Variants in ZZEF1 observed in about 807,000 individuals in gnomAD.
ZZEF1 encodes the protein zinc finger ZZ-type and EF-hand domain-containing protein 1.
ZZEF1 carries 157 observed loss-of-function variants against 342.8 expected under a neutral mutation model. The observed-to-expected ratio is 0.46, with a 90% CI of 0.40 to 0.52. ZZEF1 has a LOEUF of 0.52. Ranked by LOEUF, ZZEF1 falls within the 20% of genes least tolerant of loss-of-function variation. ZZEF1 has a pLI of 0.00. For synonymous variants in ZZEF1, 1,505 were observed against 1,429.1 expected, an observed-to-expected ratio of 1.05 and a Z score of -1.20; for missense variants, 3,480 against 3,725.6, an observed-to-expected ratio of 0.93 and a Z score of 1.72.
chr17:4,123,880 A>C, intron 2 of ZZEF1, 27 bp downstream of exon 2: 1 of 1,607,100 alleles, frequency 6.2e-7, no homozygotes, highest in Non-Finnish European at 8.5e-7. Context: ...CTTTGGTTCT[A>C]AGACAGCACC....
chr17:4,120,841 T>A (rs142188409), intron 2 of ZZEF1, among the ~76,000 whole-genome samples: 12 of 152,346 alleles, frequency 7.9e-5, no homozygotes, highest in Non-Finnish European at 1.6e-4. Context: ...CTGAAACATT[T>A]GGTAAATTAA....
chr17:4,120,565 T>G (rs2058466899), intron 2 of ZZEF1, among the ~76,000 whole-genome samples: 1 of 152,192 alleles, frequency 6.6e-6, no homozygotes, highest in African/African-American at 2.4e-5. Flanking sequence ...TGGCTCAGTC[T>G]TTTTCTTAGC....
intron 30 of ZZEF1, among the ~76,000 whole-genome samples, chr17:4,061,123 G>C (rs764618146): frequency 8.9e-4 from 136 of 152,268 alleles, no homozygotes; most frequent in Non-Finnish European, 1.7e-3. Context: ...TTGGCCAATG[G>C]CTCCAGTAAG....
intron 1 of ZZEF1, among the ~76,000 whole-genome samples, chr17:4,140,495 C>G (rs942141254): frequency 6.6e-6 from 1 of 152,168 alleles, no homozygotes; most frequent in African/African-American, 2.4e-5. Flanking sequence ...GGGTTAATAC[C>G]TGTCTCTTCC....
At position 4,033,998 on chromosome 17, in the gene ZZEF1, G is replaced by A. The variant is rs777529105; in HGVS notation, c.6584+17C>T. The A allele has an allele frequency of 6.2e-7, 1 of 1,611,430 alleles. No homozygotes were observed. The highest frequency in any genetic ancestry group is 2.2e-5 in the East Asian group (1 of 44,830). ...GGATAGAGGGCAGGTGGTTAGAGGA[G>A]CGAGGACCAAGGCTACCTGTCCAGA... On this transcript the variant is annotated intron_variant, in intron 40 of 54. Transcript: ENST00000381638.
chr17:4,119,486 G>A (rs566294812), intron 2 of ZZEF1, among the ~76,000 whole-genome samples: 5 of 152,320 alleles, frequency 3.3e-5, no homozygotes, highest in African/African-American at 1.2e-4. Flanking sequence ...AAGCCAACAT[G>A]GGGATTCTGC....
intron 49 of ZZEF1, among the ~76,000 whole-genome samples, chr17:4,015,941 G>C (rs2056088567): frequency 1.3e-5 from 2 of 152,182 alleles, no homozygotes. Context: ...TATCCACGGT[G>C]GGGGCAGGTC....
In ZZEF1 at chr17:4,014,600, G is replaced by T; in HGVS notation, c.8146-85C>A. ...CTGTCCCATGCCGAGTCCTGTGGCTGGACCCGGGTGTGTGAGAATGAGTGA... is the reference window on the plus strand; with the variant it reads ...CTGTCCCATGCCGAGTCCTGTGGCTTGACCCGGGTGTGTGAGAATGAGTGA... On this transcript the variant is annotated intron_variant, in intron 49 of 54. Coordinates refer to ENST00000381638, the MANE Select transcript of ZZEF1 (RefSeq NM_015113.4). The surrounding 1 kb of genome is among the most constrained non-coding windows in gnomAD (Gnocchi z 4.4). The T allele has an allele frequency of 1.4e-6, 2 of 1,438,304 alleles. No individual in the cohort carries two copies. The highest frequency in any genetic ancestry group is 9.7e-7 in the Non-Finnish European group (1 of 1,035,524). The allele number at this position is 1,438,304 out of a possible 1,614,324, so 89.1% of individuals were successfully genotyped here. A position where few individuals can be genotyped will look rare whatever the true frequency, so the allele number is the denominator to read the frequency against.
intron 26 of ZZEF1, among the ~76,000 whole-genome samples, chr17:4,069,195 A>G (rs987800503): frequency 6.6e-6 from 1 of 152,186 alleles, no homozygotes; most frequent in Non-Finnish European, 1.5e-5. Flanking sequence ...CTTTTAACCC[A>G]CAGGCTTTTA....
In ZZEF1 at chr17:4,076,853, G is replaced by T; in HGVS notation, c.3111+15C>A. On this transcript the variant is annotated intron_variant, in intron 20 of 54. Transcript: ENST00000381638. ...CCCTTCCGGTTCTTTACAAATAGCT[G>T]CTAGTTTTTCTTACCAGTTGACGAG... 1.9e-6 allele frequency: 3 copies of T among 1,613,918 alleles called. No homozygotes were observed. The highest frequency in any genetic ancestry group is 2.5e-6 in the Non-Finnish European group (3 of 1,179,882).
intron 1 of ZZEF1, among the ~76,000 whole-genome samples, chr17:4,134,003 C>T (rs1247440804): frequency 6.6e-6 from 1 of 152,086 alleles, no homozygotes; most frequent in African/African-American, 2.4e-5. Flanking sequence ...CTGTGCCAGG[C>T]CATTTTTGCT....
intron 1 of ZZEF1, among the ~76,000 whole-genome samples, chr17:4,137,414 T>A (rs886454745): frequency 1.3e-5 from 2 of 152,034 alleles, no homozygotes; most frequent in Non-Finnish European, 2.9e-5. Flanking sequence ...ATCGAGACCA[T>A]CCTGGCTAAC....
intron 23 of ZZEF1, among the ~76,000 whole-genome samples, chr17:4,074,562 G>A (rs1031637026): frequency 1.3e-5 from 2 of 152,190 alleles, no homozygotes; most frequent in African/African-American, 2.4e-5. Flanking sequence ...GCAGAATACT[G>A]CTGCTCAGCT....
chr17:4,044,192 A>G, intron 38 of ZZEF1, 32 bp downstream of exon 38: 13 of 1,609,492 alleles, frequency 8.1e-6, no homozygotes, highest in Non-Finnish European at 1.1e-5. Flanking sequence ...TTAAGATGAA[A>G]GAGATGAAGA....
At chr17:4,106,622 C>T (rs2058217465) in intron 6 of ZZEF1, among the ~76,000 whole-genome samples, 1 of 152,106 alleles carries the variant, frequency 6.6e-6, no homozygotes, top group African/African-American at 2.4e-5. Context: ...GCCTTTCCAC[C>T]TTAATGTCTG....
rs1212743879 is a variant in ZZEF1, at chr17:4,022,764, T to C, written c.7157A>G (p.Lys2386Arg). The C allele has an allele frequency of 1.2e-6, 2 of 1,613,730 alleles. No individual in the cohort carries two copies. The highest frequency in any genetic ancestry group is 2.7e-5 in the African/African-American group (2 of 74,840). ...AAAGCCAGTCCCTTTGCTGCACTTT[T>C]TCACCAGCAACTTCAGCAAATCGGT... is the stretch of plus-strand genomic sequence containing the variant. ...LQTDLLKLLV[K>R]KCSKGTGFSK... The change falls in exon 44 of 55, where the codon AAA (lysine) becomes AGA (arginine). Residue 2386 changes from lysine to arginine, a missense_variant. By Grantham distance (26) the Lys-to-Arg change is conservative. Coordinates refer to ENST00000381638, the MANE Select transcript of ZZEF1 (RefSeq NM_015113.4).
intron 44 of ZZEF1, among the ~76,000 whole-genome samples, chr17:4,021,849 C>G (rs758911848): frequency 1.6e-4 from 24 of 151,766 alleles, no homozygotes; most frequent in Middle Eastern, 3.4e-3. Flanking sequence ...ACACATGCAA[C>G]GCAAAATGCA....
At chr17:4,038,786 A>G (rs1181058451) in intron 39 of ZZEF1, among the ~76,000 whole-genome samples, 1 of 151,428 alleles carries the variant, frequency 6.6e-6, no homozygotes, top group Non-Finnish European at 1.5e-5. Flanking sequence ...AGCCTGGGCA[A>G]CAGAGCAAGA....
intron 2 of ZZEF1, among the ~76,000 whole-genome samples, chr17:4,122,315 T>G (rs2058495971): frequency 6.6e-6 from 1 of 152,148 alleles, no homozygotes; most frequent in African/African-American, 2.4e-5. Flanking sequence ...TTTATTATGA[T>G]TCTGTCTTTA....
Sources: allele counts gnomAD v4.1 joint callset (sites outside exome capture counted in the v4.1 genomes callset), GRCh38; gene constraint gnomAD v4.1.1; non-coding constraint Gnocchi (gnomAD v3.1); transcripts MANE v1.5; gene names NCBI Gene and HGNC (gene_info 2026-07-23, HGNC 2026-07-21).